Variants in COL8A2 observed in about 807,000 individuals in gnomAD.
COL8A2 encodes the protein collagen alpha-2(VIII) chain.
Under a neutral mutation model 24.0 loss-of-function variants are expected in COL8A2, and 16 were observed. That is an observed-to-expected ratio of 0.67 (90% CI 0.45 to 1.01). The LOEUF is 1.01. COL8A2 is among the 50% of genes least tolerant of loss of function. The pLI, the probability that COL8A2 is intolerant of heterozygous loss-of-function variation, is 0.00. For missense variants in COL8A2, 818 were observed against 942.4 expected (o/e 0.87, Z 1.73); for synonymous variants, 466 against 424.5 (o/e 1.10, Z -1.20).
chr1:36,111,510 G>A (rs77644238), intron 2 of COL8A2, among the ~76,000 whole-genome samples: 4,487 of 151,544 alleles, frequency 0.03, 228 homozygotes, highest in East Asian at 0.24. Context: ...CCATCACCGA[G>A]GACTCCCACA....
At chr1:36,112,285 G>A (rs763594084) in intron 2 of COL8A2, among the ~76,000 whole-genome samples, 3 of 152,172 alleles carry the variant, frequency 2.0e-5, no homozygotes, top group Non-Finnish European at 2.9e-5. Flanking sequence ...TTACAGGCCT[G>A]AGCCACCGCG....
Position 36,125,071 on chromosome 1 carries a change from G to T in COL8A2, c.-76C>A. On this transcript the variant is annotated 5_prime_UTR_variant, in exon 1 of 4. Coordinates refer to ENST00000397799, the MANE Select transcript of COL8A2 (RefSeq NM_005202.4). This position sits in a 1 kb window ranked among gnomAD's most constrained non-coding sequence, Gnocchi z 4.5. Reference sequence around the variant, plus strand: ...CTGGCCTTTACCTGCGGGCGCGGCCGCCGGGCGCCGCTCCCGGCCCTCGAG... The same window carrying T: ...CTGGCCTTTACCTGCGGGCGCGGCCTCCGGGCGCCGCTCCCGGCCCTCGAG... 4 of 980,292 alleles carry T rather than the reference G, an allele frequency of 4.1e-6. No individual in the cohort carries two copies. Among genetic ancestry groups the T allele is most frequent in the South Asian group, 4.7e-5 (1 of 21,230 alleles). 60.7% of individuals were successfully genotyped at this position (980,292 alleles called of 1,614,324 possible).
intron 2 of COL8A2, among the ~76,000 whole-genome samples, chr1:36,112,375 C>T (rs1404621003): frequency 6.6e-6 from 1 of 152,106 alleles, no homozygotes; most frequent in Admixed American, 6.5e-5. Flanking sequence ...CCTTGGTGTA[C>T]CCCTCTTTTC....
chr1:36,105,105 G>T (rs1259853017), intron 2 of COL8A2, among the ~76,000 whole-genome samples: 1 of 152,100 alleles, frequency 6.6e-6, no homozygotes, highest in Non-Finnish European at 1.5e-5. Context: ...GGCCAGGCTA[G>T]GTCTGGGCTT....
chr1:36,112,357 C>A (rs1643855435), intron 2 of COL8A2, among the ~76,000 whole-genome samples: 1 of 152,046 alleles, frequency 6.6e-6, no homozygotes, highest in Non-Finnish European at 1.5e-5. Context: ...TACAGGAAAC[C>A]CTCTATGCCT....
chr1:36,117,595 G>T lies in COL8A2; in HGVS notation c.-61-1843C>A, dbSNP rs372050667. Among the ~76,000 whole-genome samples the T allele has an allele frequency of 2.0e-5, 3 of 152,180 alleles. No homozygotes were observed. In the East Asian group the frequency reaches 5.8e-4, roughly 29 times the overall value. ...CACTGTGTGCCAGGTACCGTTCTGG[G>T]TGTTCTCATGAATTATCTCATTTAA... On this transcript the variant is annotated intron_variant, in intron 1 of 3. Transcript: ENST00000397799.
At position 36,098,541 on chromosome 1, in the gene COL8A2, C is replaced by T. The variant is rs375174124; in HGVS notation, c.1140G>A (p.Glu380=). 15 of 1,600,358 alleles carry T rather than the reference C, an allele frequency of 9.4e-6. No individual in the cohort carries two copies. Among genetic ancestry groups the T allele is most frequent in the Non-Finnish European group, 1.2e-5 (14 of 1,174,648 alleles). Reference sequence around the variant, plus strand: ...CTCCTGGGGGTCCTCCAGGCCCTGCCTCACCCTTAGGCCCAGGGGGCCCAC... The same window carrying T: ...CTCCTGGGGGTCCTCCAGGCCCTGCTTCACCCTTAGGCCCAGGGGGCCCAC... ...GRRGPPGPKG[E]AGPGGPPGVP... The change falls in exon 4 of 4, where the codon GAG becomes GAA. Residue 380 remains glutamate (E), a synonymous_variant. Coordinates refer to ENST00000397799, the MANE Select transcript of COL8A2 (RefSeq NM_005202.4).
rs1441761011 is a variant in COL8A2, at chr1:36,111,552, C to CT, written c.-17+4155_-17+4156insA. ...TCCAACTACGATGTCTCCCCTGAGC[C>CT]ATTTTTTTTTTTTTTGAGACAGTCT... On this transcript the variant is annotated intron_variant, in intron 2 of 3. Coordinates refer to ENST00000397799, the MANE Select transcript of COL8A2 (RefSeq NM_005202.4). 2.5e-3 allele frequency among the ~76,000 whole-genome samples: 152 copies of CT among 60,200 alleles called. 4 individuals are homozygous for CT. In the East Asian group the frequency reaches 0.049, roughly 19 times the overall value. 39.5% of individuals were successfully genotyped at this position (60,200 alleles called of 152,430 possible).
intron 2 of COL8A2, among the ~76,000 whole-genome samples, chr1:36,114,874 G>T (rs1341681427): frequency 5.0e-5 from 2 of 39,896 alleles, no homozygotes; most frequent in Non-Finnish European, 9.8e-5. Context: ...GGGCTGGAGG[G>T]GGCTTGGACC....
rs147253752 is a variant in COL8A2 at position 36,116,258 on chromosome 1, A to C, written c.-61-506T>G. ...CAGGGTATGTGCCCCATACTCCACA[A>C]CTCCATTCATTCAGTGCACACTTAG... On this transcript the variant is annotated intron_variant, in intron 1 of 3. Transcript: ENST00000397799. 4.4e-3 allele frequency among the ~76,000 whole-genome samples: 675 copies of C among 151,842 alleles called. 3 individuals are homozygous for C. Among genetic ancestry groups the C allele is most frequent in the Middle Eastern group, 0.014 (4 of 294 alleles).
intron 3 of COL8A2, 89 bp downstream of exon 3, chr1:36,099,961 G>A: frequency 8.0e-7 from 1 of 1,248,902 alleles, no homozygotes; most frequent in South Asian, 1.2e-5. Context: ...AGCTGTGGAG[G>A]GCGCCTGAGG....
rs934012563 is a variant in COL8A2 at position 36,097,019 on chromosome 1, T to C, written c.*550A>G. On this transcript the variant is annotated 3_prime_UTR_variant, in exon 4 of 4. Coordinates refer to ENST00000397799, the MANE Select transcript of COL8A2 (RefSeq NM_005202.4). ...CATGTCTGATGCCACAGCATCACCATGGGGGCTGCAGTCCTGGCAGGGTGT... is the reference window on the plus strand; with the variant it reads ...CATGTCTGATGCCACAGCATCACCACGGGGGCTGCAGTCCTGGCAGGGTGT... 5 of 158,162 alleles carry C rather than the reference T, an allele frequency of 3.2e-5. No individual in the cohort carries two copies. The highest frequency in any genetic ancestry group is 1.2e-4 in the African/African-American group (5 of 41,482). 9.8% of individuals were successfully genotyped at this position (158,162 alleles called of 1,614,324 possible). A position where few individuals can be genotyped will look rare whatever the true frequency, so the allele number is the denominator to read the frequency against.
At chr1:36,110,874 C>T (rs549015388) in intron 2 of COL8A2, among the ~76,000 whole-genome samples, 24 of 152,280 alleles carry the variant, frequency 1.6e-4, no homozygotes, top group African/African-American at 2.9e-4. Context: ...GACCAGGGGC[C>T]ACAAAGCCTG....
chr1:36,105,975 A>G lies in COL8A2; in HGVS notation c.-16-5717T>C, dbSNP rs1643754499. ...TAAAAAAAAAAAAAAAAAGAGAGAG[A>G]GAGAGATAAGGAGGAGGCAGGGCGC... On this transcript the variant is annotated intron_variant, in intron 2 of 3. Transcript: ENST00000397799. Among the ~76,000 whole-genome samples the G allele has an allele frequency of 2.8e-5, 4 of 142,578 alleles. No individual in the cohort carries two copies. The Admixed American group carries it at 2.8e-4, about 10-fold the overall frequency. The allele number at this position is 142,578 out of a possible 152,430, so 93.5% of individuals were successfully genotyped here. A position where few individuals can be genotyped will look rare whatever the true frequency, so the allele number is the denominator to read the frequency against.
rs1159256438 is a variant in COL8A2 at position 36,123,982 on chromosome 1, C to T, written c.-62+1075G>A. On this transcript the variant is annotated intron_variant, in intron 1 of 3. Transcript: ENST00000397799. This position sits in a 1 kb window ranked among gnomAD's most constrained non-coding sequence, Gnocchi z 4.1. Reference sequence around the variant, plus strand: ...AGGATCAGTCGATCTTAGCTCAGTCCCCAGAGAGGAACCCCAGGCTGCCTG... The same window carrying T: ...AGGATCAGTCGATCTTAGCTCAGTCTCCAGAGAGGAACCCCAGGCTGCCTG... Among the ~76,000 whole-genome samples the T allele has an allele frequency of 1.2e-4, 18 of 152,060 alleles. No homozygotes were observed. Among genetic ancestry groups the T allele is most frequent in the Non-Finnish European group, 2.5e-4 (17 of 68,014 alleles).
At chr1:36,120,743 G>A (rs1217183910) in intron 1 of COL8A2, among the ~76,000 whole-genome samples, 10 of 90,316 alleles carry the variant, frequency 1.1e-4, no homozygotes, top group Non-Finnish European at 1.7e-4. Flanking sequence ...GCGAGACTCC[G>A]TCTCAAAAAA....
Position 36,096,363 on chromosome 1 carries a change from C to T in COL8A2, c.*1206G>A, listed in dbSNP as rs1413957762. 3 of 152,390 alleles carry T rather than the reference C, an allele frequency of 2.0e-5. No homozygotes were observed. In the East Asian group the frequency reaches 5.8e-4, roughly 29 times the overall value. The allele number at this position is 152,390 out of a possible 1,614,324, so 9.4% of individuals were successfully genotyped here. ...CAGAGCCAACTCATTCCCAAGGGAC[C>T]TGTTGGCACCCTTTCTCTCCCAGCC... On this transcript the variant is annotated 3_prime_UTR_variant, in exon 4 of 4. Transcript: ENST00000397799.
chr1:36,105,397 C>T (rs994539383), intron 2 of COL8A2, among the ~76,000 whole-genome samples: 1 of 152,194 alleles, frequency 6.6e-6, no homozygotes, highest in East Asian at 1.9e-4. Flanking sequence ...GCAGTTATTA[C>T]CCCCATTTTA....
chr1:36,111,157 C>T (rs895999826), intron 2 of COL8A2, among the ~76,000 whole-genome samples: 2 of 152,148 alleles, frequency 1.3e-5, no homozygotes, highest in African/African-American at 4.8e-5. Context: ...GCTGCCCTTG[C>T]CCCCAGTCTC....
Sources: allele counts gnomAD v4.1 joint callset (sites outside exome capture counted in the v4.1 genomes callset), GRCh38; gene constraint gnomAD v4.1.1; non-coding constraint Gnocchi (gnomAD v3.1); transcripts MANE v1.5; gene names NCBI Gene and HGNC (gene_info 2026-07-23, HGNC 2026-07-21).